Variants in OPCML observed in about 807,000 individuals in gnomAD.
The protein encoded by OPCML is opioid-binding protein/cell adhesion molecule.
A neutral mutation model predicts 37.8 loss-of-function variants in OPCML; 13 were observed. The observed-to-expected ratio is 0.34, with a 90% CI of 0.22 to 0.55. The LOEUF (loss-of-function observed/expected upper bound fraction) is 0.55. Ranked by LOEUF, OPCML falls within the 20% of genes least tolerant of loss-of-function variation. OPCML has a pLI of 0.91. For synonymous variants in OPCML, 176 were observed against 168.8 expected (o/e 1.04, Z -0.33); for missense variants, 341 against 435.6 (o/e 0.78, Z 1.93).
intron 3 of OPCML, among the ~76,000 whole-genome samples, chr11:132,585,607 A>G (rs1019704417): frequency 6.6e-6 from 1 of 152,156 alleles, no homozygotes; most frequent in Non-Finnish European, 1.5e-5. Context: ...CAATTGTCAC[A>G]ATGAGTGACA....
rs1358027642 is a variant in OPCML, at chr11:133,206,710, C to G, written c.62-263700G>C. ...GCTTCTATCTGTGTATCCTGGTGTG[C>G]TTGTTTACCAGCTGTGACCCACTGG... On this transcript the variant is annotated intron_variant, in intron 1 of 7. Coordinates refer to ENST00000524381, the MANE Select transcript of OPCML (RefSeq NM_001012393.5). This position sits in a 1 kb window ranked among gnomAD's most constrained non-coding sequence, Gnocchi z 4.7. 6.6e-6 allele frequency among the ~76,000 whole-genome samples: 1 copy of G among 152,194 alleles called. No homozygotes were observed. Among genetic ancestry groups the G allele is most frequent in the Admixed American group, 6.5e-5 (1 of 15,276 alleles).
At chr11:132,950,230 G>A (rs895949072) in intron 1 of OPCML, among the ~76,000 whole-genome samples, 1 of 152,170 alleles carries the variant, frequency 6.6e-6, no homozygotes, top group Non-Finnish European at 1.5e-5. Context: ...GGACTAGATT[G>A]CAGGGGTACA....
At chr11:133,008,282 A>C (rs1190406523) in intron 1 of OPCML, 1 of 985,298 alleles carries the variant, frequency 1.0e-6, no homozygotes, top group Non-Finnish European at 1.2e-6. Context: ...GAGAGTTGAC[A>C]ATCAATTGTG....
intron 2 of OPCML, chr11:132,859,147 T>G (rs1250917793): frequency 1.3e-5 from 2 of 152,214 alleles, no homozygotes; most frequent in African/African-American, 4.8e-5. Context: ...TGATTTAAAA[T>G]CATAGTGATG....
At chr11:132,674,157 C>T (rs1174279480) in intron 2 of OPCML, among the ~76,000 whole-genome samples, 1 of 152,196 alleles carries the variant, frequency 6.6e-6, no homozygotes, top group Admixed American at 6.5e-5. Flanking sequence ...AGCAAACATA[C>T]ACTAACAGTC....
intron 1 of OPCML, among the ~76,000 whole-genome samples, chr11:133,376,340 C>T (rs1210175098): frequency 1.3e-5 from 2 of 152,044 alleles, no homozygotes; most frequent in Non-Finnish European, 2.9e-5. Context: ...GCAACAAATT[C>T]TAAGCAAATA....
chr11:133,132,727 C>A (rs1337045074), intron 1 of OPCML, among the ~76,000 whole-genome samples: 1 of 151,934 alleles, frequency 6.6e-6, no homozygotes, highest in Non-Finnish European at 1.5e-5. Context: ...AAAATACTTA[C>A]GTTGAGTGAA....
intron 2 of OPCML, among the ~76,000 whole-genome samples, chr11:132,733,712 G>A (rs78516425): frequency 3.0e-4 from 46 of 152,090 alleles, no homozygotes; most frequent in Non-Finnish European, 5.9e-4. Context: ...TTGATCCACC[G>A]TGGTAAGTGT....
chr11:132,903,984 A>G lies in OPCML; in HGVS notation c.146+38942T>C, dbSNP rs375650410. 7.9e-5 allele frequency among the ~76,000 whole-genome samples: 12 copies of G among 152,348 alleles called. 1 individual carries two copies. Among genetic ancestry groups the G allele is most frequent in the Admixed American group, 5.9e-4 (9 of 15,300 alleles). ...AAATCAGCTATATGGCTTCAAGGAA[A>G]CATATTATCTTATAACCCCTGAATG... On this transcript the variant is annotated intron_variant, in intron 2 of 7. Transcript: ENST00000524381.
chr11:133,282,644 C>T (rs1332016657), intron 1 of OPCML, among the ~76,000 whole-genome samples: 1 of 152,150 alleles, frequency 6.6e-6, no homozygotes. Context: ...GGGCCACCAC[C>T]CTCCAGCCCC....
intron 1 of OPCML, chr11:133,423,215 T>C (rs1016622640): frequency 1.0e-6 from 1 of 985,336 alleles, no homozygotes; most frequent in African/African-American, 1.7e-5. Flanking sequence ...ATCCCCTTGA[T>C]CATTTTAATT....
At chr11:133,176,891 CG>C in intron 1 of OPCML, among the ~76,000 whole-genome samples, 1 of 152,286 alleles carries the variant, frequency 6.6e-6, no homozygotes, top group East Asian at 1.9e-4. Flanking sequence ...TGCAGCTGTC[CG>C]GCTAACAACT....
At position 132,683,649 on chromosome 11, in the gene OPCML, C is replaced by T. The variant is rs376211203; in HGVS notation, c.147-26330G>A. The stretch of plus-strand genomic sequence containing the variant: ...AGACATTTGCAAACCATAACTCATG[C>T]ATTCAATTTGCTTATTACTACAGCC... On this transcript the variant is annotated intron_variant, in intron 2 of 7. Transcript: ENST00000524381. Among the ~76,000 whole-genome samples the T allele has an allele frequency of 1.4e-3, 211 of 152,280 alleles. 1 individual carries two copies. The highest frequency in any genetic ancestry group is 4.6e-3 in the African/African-American group (191 of 41,556).
intron 1 of OPCML, among the ~76,000 whole-genome samples, chr11:133,031,030 C>T (rs561712802): frequency 1.3e-5 from 2 of 152,218 alleles, no homozygotes; most frequent in South Asian, 4.1e-4. Context: ...GATATAATTT[C>T]CAGAGAAAAA....
At chr11:132,720,659 G>C (rs1944646506) in intron 2 of OPCML, among the ~76,000 whole-genome samples, 1 of 152,172 alleles carries the variant, frequency 6.6e-6, no homozygotes, top group Admixed American at 6.5e-5. Flanking sequence ...GAATTATGGA[G>C]AGATGATTTC....
chr11:133,473,324 A>G (rs1183943729), intron 1 of OPCML, among the ~76,000 whole-genome samples: 1 of 152,168 alleles, frequency 6.6e-6, no homozygotes, highest in Non-Finnish European at 1.5e-5. Context: ...TGTGTCTGAT[A>G]AAAGGATGCT....
intron 2 of OPCML, among the ~76,000 whole-genome samples, chr11:132,890,748 T>C (rs1591761094): frequency 6.9e-6 from 1 of 145,690 alleles, no homozygotes; most frequent in Non-Finnish European, 1.5e-5. Context: ...TCCCAGCTAC[T>C]CAGGAGGCTG....
intron 1 of OPCML, among the ~76,000 whole-genome samples, chr11:133,098,035 C>T (rs1380507335): frequency 6.6e-6 from 1 of 151,970 alleles, no homozygotes; most frequent in Non-Finnish European, 1.5e-5. Context: ...CCAGCATTAC[C>T]CTAATACCAA....
chr11:133,058,911 C>A (rs1177065633), intron 1 of OPCML, among the ~76,000 whole-genome samples: 1 of 152,196 alleles, frequency 6.6e-6, no homozygotes, highest in Non-Finnish European at 1.5e-5. Flanking sequence ...GGGAGGGTTC[C>A]AAGCTTGCCT....
Sources: gnomAD v4.1 joint callset for allele counts (sites outside exome capture counted in the v4.1 genomes callset) on GRCh38, gnomAD v4.1.1 for gene constraint, Gnocchi (gnomAD v3.1) non-coding constraint, MANE v1.5 for transcripts, NCBI Gene and HGNC (gene_info 2026-07-23, HGNC 2026-07-21) for gene names.